Variants in MEIOSIN observed in about 807,000 individuals in gnomAD.
MEIOSIN encodes the protein meiosis initiator protein.
In MEIOSIN, 18 loss-of-function variants were observed where a neutral mutation model predicts 23.4. The ratio of observed to expected loss-of-function variants is 0.77; its 90% CI spans 0.53 to 1.14. The LOEUF (loss-of-function observed/expected upper bound fraction) is 1.14. Among genes scored for constraint, MEIOSIN ranks in the 50% most tolerant of loss-of-function variants. The pLI, the probability that MEIOSIN is intolerant of heterozygous loss-of-function variation, is 0.00. For synonymous variants in MEIOSIN, 187 were observed against 100.6 expected (o/e 1.86, Z -5.14); for missense variants, 428 against 242.9 (o/e 1.76, Z -5.07).
rs1462013790 is a variant in MEIOSIN, at chr19:45,758,950, G to C, written c.1085G>C (p.Gly362Ala). The C allele has an allele frequency of 1.1e-4, 74 of 702,978 alleles. No individual in the cohort carries two copies. In the East Asian group the frequency reaches 2.0e-3, roughly 19 times the overall value. 43.5% of individuals were successfully genotyped at this position (702,978 alleles called of 1,614,324 possible). Reference protein sequence around the residue: ...SGTGHPSEILGLSPSLFSSPG... With the variant: ...SGTGHPSEILALSPSLFSSPG... ...ACAGGCCACCCAAGTGAGATCCTCG[G>C]GCTCAGCCCTAGCCTTTTCAGCTCC... Residue 362 changes from glycine (G) to alanine (A), a missense_variant, in exon 10 of 15, where the codon GGG (glycine) becomes GCG (alanine). Transcript: ENST00000457052.
At chr19:45,739,430 G>A (rs191184417) in intron 2 of MEIOSIN, among the ~76,000 whole-genome samples, 196 bp from the exon 3 acceptor site, 206 of 152,280 alleles carry the variant, frequency 1.4e-3, no homozygotes, top group Non-Finnish European at 2.5e-3. Context: ...TGGGATTACA[G>A]GCGTGAGTCA....
rs541148759 is a variant in MEIOSIN, at chr19:45,761,843, G to A, written c.1410G>A (p.Ser470=). The change falls in exon 12 of 15, where the codon TCG becomes TCA. Residue 470 remains serine, a synonymous_variant. Transcript: ENST00000457052. ...SSSSSSEDSD[S]EPLWKQREDM... Reference sequence around the variant, plus strand: ...GCTCCAGCTCGGAGGACAGCGACTCGGAGCCCCTGTGGAAGCAGCGAGAGG... The same window carrying A: ...GCTCCAGCTCGGAGGACAGCGACTCAGAGCCCCTGTGGAAGCAGCGAGAGG... 8.8e-6 allele frequency: 6 copies of A among 683,504 alleles called. No homozygotes were observed. The East Asian group carries it at 1.1e-4, about 12-fold the overall frequency. 42.3% of individuals were successfully genotyped at this position (683,504 alleles called of 1,614,324 possible). A position where few individuals can be genotyped will look rare whatever the true frequency, so the allele number is the denominator to read the frequency against.
chr19:45,755,872 GGT>G, intron 7 of MEIOSIN, 96 bp from the exon 8 acceptor site: 2 of 637,996 alleles, frequency 3.1e-6, no homozygotes, highest in Non-Finnish European at 5.7e-6. Flanking sequence ...GGAGTGAGAG[GGT>G]GTGTGGCAGA....
At chr19:45,749,909 C>A (rs1394967198) in intron 4 of MEIOSIN, among the ~76,000 whole-genome samples, 4 of 149,534 alleles carry the variant, frequency 2.7e-5, no homozygotes, top group Admixed American at 1.3e-4. Flanking sequence ...GAGGCTGAGG[C>A]AGGAGAATTG....
At chr19:45,756,234 A>G (rs1295177372) in intron 8 of MEIOSIN, among the ~76,000 whole-genome samples, 156 bp downstream of exon 8, 1 of 152,204 alleles carries the variant, frequency 6.6e-6, no homozygotes, top group Non-Finnish European at 1.5e-5. Context: ...GTGAGCTCGC[A>G]GGAAAGCCTG....
At chr19:45,739,519 A>C in intron 2 of MEIOSIN, 107 bp from the exon 3 acceptor site, 1 of 674,148 alleles carries the variant, frequency 1.5e-6, no homozygotes, top group Non-Finnish European at 2.7e-6. Flanking sequence ...TGCCAACTCC[A>C]TATACCCAGA....
chr19:45,745,897 G>A (rs577102111), intron 4 of MEIOSIN, among the ~76,000 whole-genome samples: 124 of 152,270 alleles, frequency 8.1e-4, no homozygotes, highest in Non-Finnish European at 1.0e-3. Context: ...TGGTTCTGGA[G>A]TTCAGAAGTC....
At chr19:45,744,997 G>T (rs1254537938) in intron 3 of MEIOSIN, among the ~76,000 whole-genome samples, 195 bp from the exon 4 acceptor site, 1 of 152,080 alleles carries the variant, frequency 6.6e-6, no homozygotes, top group Non-Finnish European at 1.5e-5. Flanking sequence ...AAGAGGAGTG[G>T]GTAAGATTTG....
intron 4 of MEIOSIN, among the ~76,000 whole-genome samples, chr19:45,748,772 A>G (rs1968639053): frequency 6.6e-6 from 1 of 152,214 alleles, no homozygotes; most frequent in South Asian, 2.1e-4. Context: ...TAATAAGCTT[A>G]AAAAGACTGA....
At chr19:45,743,205 TG>T (rs1271934588) in intron 3 of MEIOSIN, among the ~76,000 whole-genome samples, 2 of 152,166 alleles carry the variant, frequency 1.3e-5, no homozygotes, top group African/African-American at 4.8e-5. Flanking sequence ...CCCTGTGCTT[TG>T]TAAAACCCAG....
chr19:45,756,573 A>T (rs556793671), intron 8 of MEIOSIN, among the ~76,000 whole-genome samples: 4 of 152,160 alleles, frequency 2.6e-5, no homozygotes, highest in African/African-American at 9.6e-5. Flanking sequence ...GCACACCACC[A>T]CACCCAGCTA....
intron 5 of MEIOSIN, among the ~76,000 whole-genome samples, chr19:45,753,111 T>G (rs1968748371): frequency 1.3e-5 from 2 of 151,958 alleles, no homozygotes; most frequent in South Asian, 4.2e-4. Flanking sequence ...TGACATGTAG[T>G]GTTGAGGACT....
In MEIOSIN at chr19:45,753,639, C is replaced by T. The variant is rs959515507; in HGVS notation, c.419-12C>T. On this transcript the variant is annotated splice_polypyrimidine_tract_variant and intron_variant, in intron 5 of 14. Transcript: ENST00000457052. The stretch of plus-strand genomic sequence containing the variant: ...TGGGGGATCTGAGCTGTTTCCCTCT[C>T]CATCCCTGCAGGGCTGGGTCAGAAA... 1.4e-6 allele frequency: 1 copy of T among 698,642 alleles called. No individual in the cohort carries two copies. Among genetic ancestry groups the T allele is most frequent in the Admixed American group, 2.0e-5 (1 of 48,968 alleles). 43.3% of individuals were successfully genotyped at this position (698,642 alleles called of 1,614,324 possible).
At chr19:45,757,491 G>A (rs1057347242) in intron 9 of MEIOSIN, among the ~76,000 whole-genome samples, 32 of 152,124 alleles carry the variant, frequency 2.1e-4, no homozygotes, top group Non-Finnish European at 3.8e-4. Flanking sequence ...GCCCAGACAT[G>A]GCCTCAGAAT....
rs1568559945 is a variant in MEIOSIN at position 45,758,898 on chromosome 19, C to A, written c.1033C>A (p.Pro345Thr). The part of the protein sequence containing the change: ...SPQGSPLFLG[P>T]PQIDVWSGTG... Reference sequence around the variant, plus strand: ...TCCAGGGAGCCCACTGTTCCTGGGGCCTCCCCAGATTGATGTCTGGAGTGG... The same window carrying A: ...TCCAGGGAGCCCACTGTTCCTGGGGACTCCCCAGATTGATGTCTGGAGTGG... Residue 345 changes from proline (P) to threonine (T), a missense_variant, in exon 10 of 15, where the codon CCT (proline) becomes ACT (threonine). Physicochemically the swap from Pro to Thr is conservative, Grantham distance 38. Coordinates refer to ENST00000457052, the MANE Select transcript of MEIOSIN (RefSeq NM_001310124.2). 4.3e-6 allele frequency: 3 copies of A among 703,130 alleles called. No individual in the cohort carries two copies. Among genetic ancestry groups the A allele is most frequent in the Non-Finnish European group, 7.8e-6 (3 of 385,034 alleles). The allele number at this position is 703,130 out of a possible 1,614,324, so 43.6% of individuals were successfully genotyped here.
chr19:45,749,671 C>CAAAAAAAAAAAAAAAAAAAA (rs71175219), intron 4 of MEIOSIN, among the ~76,000 whole-genome samples: 2 of 34,488 alleles, frequency 5.8e-5, no homozygotes, highest in Non-Finnish European at 9.7e-5. Context: ...GATTCTGTCT[C>CAAAAAAAAAAAAAAAAAAAA]AAAAAAAAAA....
rs1968735976 is a variant in MEIOSIN, at chr19:45,752,673, C to T, written c.419-978C>T. Among the ~76,000 whole-genome samples the T allele has an allele frequency of 2.0e-5, 3 of 152,196 alleles. No individual in the cohort carries two copies. The South Asian group carries it at 6.2e-4, about 32-fold the overall frequency. ...TGACTTGTTTCTATGTATTAACTCACATTTAATCGTCAGGACAAATACCGA... is the reference window on the plus strand; with the variant it reads ...TGACTTGTTTCTATGTATTAACTCATATTTAATCGTCAGGACAAATACCGA... On this transcript the variant is annotated intron_variant, in intron 5 of 14. Transcript: ENST00000457052.
chr19:45,755,443 C>T (rs929920475), intron 7 of MEIOSIN, among the ~76,000 whole-genome samples: 17 of 149,678 alleles, frequency 1.1e-4, no homozygotes, highest in African/African-American at 3.5e-4. Context: ...GGCACTGTGC[C>T]GGGCCCATTA....
At chr19:45,740,250 T>C (rs1968479237) in intron 3 of MEIOSIN, among the ~76,000 whole-genome samples, 1 of 152,194 alleles carries the variant, frequency 6.6e-6, no homozygotes, top group South Asian at 2.1e-4. Flanking sequence ...GCCACCTCCA[T>C]TTTGTAAAGG....
Sources: gnomAD v4.1 joint callset for allele counts (sites outside exome capture counted in the v4.1 genomes callset) on GRCh38, gnomAD v4.1.1 for gene constraint, MANE v1.5 for transcripts, NCBI Gene and HGNC (gene_info 2026-07-23, HGNC 2026-07-21) for gene names.